CCDC66: variants seen among roughly 807,000 people sequenced by gnomAD.
CCDC66 encodes the protein coiled-coil domain-containing protein 66.
In CCDC66, 133 loss-of-function variants were observed where a neutral mutation model predicts 128.3. The observed-to-expected ratio is 1.04, with a 90% CI of 0.90 to 1.20. The LOEUF (loss-of-function observed/expected upper bound fraction) is 1.20. Among genes scored for constraint, CCDC66 ranks in the 50% most tolerant of loss-of-function variants. The pLI, the probability that CCDC66 is intolerant of heterozygous loss-of-function variation, is 0.00. For missense variants in CCDC66, 1,126 were observed against 1,075.5 expected (o/e 1.05, Z -0.66); for synonymous variants, 387 against 357.0 (o/e 1.08, Z -0.95).
chr3:56,591,920 A>G (rs1042706610), intron 7 of CCDC66, among the ~76,000 whole-genome samples: 1 of 152,204 alleles, frequency 6.6e-6, no homozygotes, highest in Admixed American at 6.5e-5. Flanking sequence ...TATGTCTTGT[A>G]GTTATTTCAT....
intron 7 of CCDC66, among the ~76,000 whole-genome samples, chr3:56,572,026 G>A (rs2066701476): frequency 6.6e-6 from 1 of 152,102 alleles, no homozygotes; most frequent in African/African-American, 2.4e-5. Flanking sequence ...TGGCTCATAT[G>A]GTATTTTAAA....
intron 8 of CCDC66, 48 bp from the exon 9 acceptor site, chr3:56,593,443 T>C (rs2071294039): frequency 6.3e-7 from 1 of 1,587,274 alleles, no homozygotes; most frequent in Non-Finnish European, 8.6e-7. Context: ...GAATTATATA[T>C]GAGAATAATT....
intron 7 of CCDC66, chr3:56,572,329 TCTG>T (rs1220999641): frequency 1.6e-6 from 2 of 1,285,022 alleles, no homozygotes; most frequent in Non-Finnish European, 2.0e-6. Flanking sequence ...TTTTTACACT[TCTG>T]CTAGCTCTTC....
At chr3:56,579,509 C>G (rs1350873609) in intron 7 of CCDC66, among the ~76,000 whole-genome samples, 3 of 151,536 alleles carry the variant, frequency 2.0e-5, no homozygotes, top group African/African-American at 4.8e-5. Context: ...ATTAGGGTGT[C>G]AATTTTAGAT....
chr3:56,614,324 ACTC>A (rs1445538104), intron 11 of CCDC66, among the ~76,000 whole-genome samples: 2 of 151,996 alleles, frequency 1.3e-5, no homozygotes, highest in African/African-American at 2.4e-5. Context: ...ATTTTTATCT[ACTC>A]CTAGTTTTTT....
At chr3:56,572,409 G>A in intron 7 of CCDC66, 1 of 1,288,398 alleles carries the variant, frequency 7.8e-7, no homozygotes, top group South Asian at 1.2e-5. Context: ...TCACAACTTA[G>A]AGCTAGTCAG....
chr3:56,591,622 A>G (rs2070912014), intron 7 of CCDC66, among the ~76,000 whole-genome samples: 1 of 152,238 alleles, frequency 6.6e-6, no homozygotes, highest in East Asian at 1.9e-4. Context: ...TTTGACCTCT[A>G]AAACATTTCT....
At chr3:56,569,813 A>G (rs1165590354) in intron 6 of CCDC66, 1 of 152,160 alleles carries the variant, frequency 6.6e-6, no homozygotes, top group Non-Finnish European at 1.5e-5. Context: ...TGACCAGAAT[A>G]TTTTGTGCTT....
At chr3:56,618,070 A>G (rs2075745469) in intron 14 of CCDC66, 102 bp from the exon 15 acceptor site, 7 of 937,648 alleles carry the variant, frequency 7.5e-6, no homozygotes, top group Non-Finnish European at 1.0e-5. Flanking sequence ...TGTTATTCAA[A>G]TATTACCCTC....
rs550821519 is a variant in CCDC66, at chr3:56,621,439, A to ATGTT, written c.2761-91_2761-88dup. 3.0e-4 allele frequency: 259 copies of ATGTT among 865,798 alleles called. 2 individuals carry two copies. In the South Asian group the frequency reaches 5.6e-3, roughly 19 times the overall value. The allele number at this position is 865,798 out of a possible 1,614,324, so 53.6% of individuals were successfully genotyped here. ...ATGACAAAATTTTATCCTAAGCGATATGTTTTCCAAGTGAATATAATTCTA... is the reference window on the plus strand; with the variant it reads ...ATGACAAAATTTTATCCTAAGCGATATGTTTGTTTTCCAAGTGAATATAATTCTA... On this transcript the variant is annotated intron_variant, in intron 17 of 17. Coordinates refer to ENST00000394672, the MANE Select transcript of CCDC66 (RefSeq NM_001141947.3).
chr3:56,588,261 A>G (rs2070180193), intron 7 of CCDC66, among the ~76,000 whole-genome samples: 1 of 152,218 alleles, frequency 6.6e-6, no homozygotes, highest in African/African-American at 2.4e-5. Flanking sequence ...ATGAGGATGC[A>G]AAGGCATAAG....
intron 7 of CCDC66, among the ~76,000 whole-genome samples, chr3:56,592,548 A>G (rs2071104893): frequency 7.2e-6 from 1 of 139,442 alleles, no homozygotes; most frequent in Admixed American, 7.2e-5. Flanking sequence ...TTTTCAGTAG[A>G]GATGAGATTT....
chr3:56,618,180 G>T lies in CCDC66; in HGVS notation c.2346G>T (p.Glu782Asp). 1.2e-6 allele frequency: 2 copies of T among 1,612,020 alleles called. No individual in the cohort carries two copies. The highest frequency in any genetic ancestry group is 2.2e-5 in the East Asian group (1 of 44,856). The change falls in exon 15 of 18, where the codon GAG (glutamate) becomes GAT (aspartate). Residue 782 changes from glutamate to aspartate, a missense_variant. Glu to Asp is a conservative substitution (Grantham distance 45). Coordinates refer to ENST00000394672, the MANE Select transcript of CCDC66 (RefSeq NM_001141947.3). The stretch of plus-strand genomic sequence containing the variant: ...ATCTATCCATATTTTAGGAAGAAGA[G>T]CCTCTGAATATTCATTCATTCAGCA... ...LRWHLVKKEE[E>D]PLNIHSFSKE...
intron 10 of CCDC66, among the ~76,000 whole-genome samples, chr3:56,597,808 T>C (rs1487277425): frequency 7.5e-6 from 1 of 133,816 alleles, no homozygotes; most frequent in African/African-American, 2.8e-5. Context: ...AGAGCCTCGC[T>C]CTGTTGCCTA....
chr3:56,588,390 A>G (rs1332693095), intron 7 of CCDC66, among the ~76,000 whole-genome samples: 2 of 152,122 alleles, frequency 1.3e-5, no homozygotes, highest in South Asian at 4.1e-4. Context: ...AGAATCTCAC[A>G]GATCACCACT....
chr3:56,615,632 CTTAAT>C (rs1015167107), intron 12 of CCDC66, among the ~76,000 whole-genome samples: 2 of 151,912 alleles, frequency 1.3e-5, no homozygotes, highest in African/African-American at 2.4e-5. Context: ...AATAGGAATG[CTTAAT>C]TTATGTGGAA....
intron 7 of CCDC66, among the ~76,000 whole-genome samples, chr3:56,587,897 A>G (rs2070102508): frequency 6.6e-6 from 1 of 152,184 alleles, no homozygotes; most frequent in Admixed American, 6.6e-5. Context: ...ATAAAAAAAG[A>G]ACCAAAAGTA....
chr3:56,584,470 G>C (rs1310398142), intron 7 of CCDC66, among the ~76,000 whole-genome samples: 1 of 151,282 alleles, frequency 6.6e-6, no homozygotes. Context: ...CGGCCAGGCA[G>C]AGGTGCTCCT....
At chr3:56,588,628 A>G (rs189612164) in intron 7 of CCDC66, among the ~76,000 whole-genome samples, 389 of 152,290 alleles carry the variant, frequency 2.6e-3, no homozygotes, top group Non-Finnish European at 4.7e-3. Flanking sequence ...TGATCCAGTC[A>G]TCTCCCACCA....
Sources: gnomAD v4.1 joint callset for allele counts (sites outside exome capture counted in the v4.1 genomes callset) on GRCh38, gnomAD v4.1.1 for gene constraint, MANE v1.5 for transcripts, NCBI Gene and HGNC (gene_info 2026-07-23, HGNC 2026-07-21) for gene names.